The following CRISPLD2 variants were observed in gnomAD, a reference collection of about 807,000 sequenced individuals.
CRISPLD2 encodes cysteine-rich secretory protein LCCL domain-containing 2.
CRISPLD2 carries 47 observed loss-of-function variants against 71.1 expected under a neutral mutation model. The observed-to-expected ratio is 0.66, with a 90% CI of 0.52 to 0.84. The LOEUF (loss-of-function observed/expected upper bound fraction) is 0.84, where lower values mean the gene tolerates loss of function less well. Among genes scored for constraint, CRISPLD2 ranks in the 40% least tolerant of loss-of-function variants. The pLI is 0.00. For missense variants in CRISPLD2, 830 were observed against 651.1 expected (o/e 1.27, Z -2.99); for synonymous variants, 317 against 250.1 (o/e 1.27, Z -2.52).
At chr16:84,852,173 C>T (rs551622625) in intron 5 of CRISPLD2, among the ~76,000 whole-genome samples, 2 of 152,320 alleles carry the variant, frequency 1.3e-5, no homozygotes, top group South Asian at 4.1e-4. Flanking sequence ...CTGTTGACGT[C>T]GTTTAACCTT....
At chr16:84,890,163 C>T (rs1199887379) in intron 14 of CRISPLD2, among the ~76,000 whole-genome samples, 1 of 151,560 alleles carries the variant, frequency 6.6e-6, no homozygotes, top group African/African-American at 2.4e-5. Flanking sequence ...TCGAGACCAT[C>T]CTGGCTAACA....
Position 84,854,793 on chromosome 16 carries a change from T to C in CRISPLD2, c.673T>C (p.Tyr225His). The C allele has an allele frequency of 6.2e-7, 1 of 1,614,108 alleles. No individual in the cohort carries two copies. Among genetic ancestry groups the C allele is most frequent in the Non-Finnish European group, 8.5e-7 (1 of 1,180,002 alleles). The change falls in exon 6 of 15, where the codon TAT (tyrosine) becomes CAT (histidine). Residue 225 changes from tyrosine to histidine, a missense_variant. By Grantham distance (83) the Tyr-to-His change is moderately conservative. Transcript: ENST00000262424. ...GRPCSECPPS[Y>H]GGSCRNNLCY... ...GCCCTGCTCTGAGTGCCCACCCAGC[T>C]ATGGAGGCAGCTGCAGGAACAACTT...
intron 8 of CRISPLD2, among the ~76,000 whole-genome samples, chr16:84,869,125 G>C (rs940551650): frequency 6.6e-6 from 1 of 152,246 alleles, no homozygotes; most frequent in African/African-American, 2.4e-5. Context: ...TGCAGGATCT[G>C]AGCAGGCTGC....
At position 84,866,238 on chromosome 16, in the gene CRISPLD2, G is replaced by GTTT. The variant is rs149109786; in HGVS notation, c.710-659_710-658insTTT. The stretch of plus-strand genomic sequence containing the variant: ...AGTGGCCGAGGCAGTTTTGTTTTTT[G>GTTT]GTTTTTTTTTTTGAGATGGAGTTTC... On this transcript the variant is annotated intron_variant, in intron 6 of 14. Transcript: ENST00000262424. Among the ~76,000 whole-genome samples, 1,033 of 148,352 alleles carry GTTT rather than the reference G, an allele frequency of 7.0e-3. 12 individuals are homozygous for GTTT. Among genetic ancestry groups the GTTT allele is most frequent in the Non-Finnish European group, 0.01 (691 of 67,230 alleles).
intron 6 of CRISPLD2, among the ~76,000 whole-genome samples, chr16:84,859,693 C>T (rs937787128): frequency 1.3e-5 from 2 of 152,216 alleles, no homozygotes; most frequent in Non-Finnish European, 2.9e-5. Flanking sequence ...ATGTAGTAGG[C>T]TTCCTGTCAA....
intron 5 of CRISPLD2, 96 bp from the exon 6 acceptor site, chr16:84,854,633 C>G (rs976865127): frequency 1.2e-6 from 1 of 839,800 alleles, no homozygotes; most frequent in Non-Finnish European, 2.1e-6. Flanking sequence ...CTGTCAGTGG[C>G]GGTGTTCAGG....
chr16:84,879,879 CAGA>C lies in CRISPLD2; in HGVS notation c.1230-626_1230-624del, dbSNP rs1221348974. Among the ~76,000 whole-genome samples the C allele has an allele frequency of 5.3e-5, 8 of 152,300 alleles. No individual in the cohort carries two copies. The East Asian group carries it at 1.2e-3, about 22-fold the overall frequency. ...CACGGTGGACTGTTCCAGATAAACA[CAGA>C]AGATCTTTTCTTAAGTAAAGCCCGT... On this transcript the variant is annotated intron_variant, in intron 12 of 14. Transcript: ENST00000262424.
chr16:84,908,966 G>A lies in CRISPLD2; in HGVS notation c.*2324G>A, dbSNP rs1264756087. On this transcript the variant is annotated 3_prime_UTR_variant, in exon 15 of 15. Transcript: ENST00000262424. Reference sequence around the variant, plus strand: ...GGCCTCCCGAAGTGCTGGGATTACAGGCATGAGCCACTGCGCCCGGCCATG... The same window carrying A: ...GGCCTCCCGAAGTGCTGGGATTACAAGCATGAGCCACTGCGCCCGGCCATG... 1 of 152,148 alleles carries A rather than the reference G, an allele frequency of 6.6e-6. No individual in the cohort carries two copies. The highest frequency in any genetic ancestry group is 2.4e-5 in the African/African-American group (1 of 41,418). The allele number at this position is 152,148 out of a possible 1,614,324, so 9.4% of individuals were successfully genotyped here. A position where few individuals can be genotyped will look rare whatever the true frequency, so the allele number is the denominator to read the frequency against.
intron 12 of CRISPLD2, among the ~76,000 whole-genome samples, chr16:84,880,021 C>A (rs1012216405): frequency 6.6e-6 from 1 of 152,164 alleles, no homozygotes; most frequent in Non-Finnish European, 1.5e-5. Context: ...TGATCTAACC[C>A]CTTCCACCCC....
chr16:84,908,970 T>C lies in CRISPLD2; in HGVS notation c.*2328T>C. The C allele has an allele frequency of 6.6e-6, 1 of 151,190 alleles. No individual in the cohort carries two copies. The highest frequency in any genetic ancestry group is 1.5e-5 in the Non-Finnish European group (1 of 67,790). The allele number at this position is 151,190 out of a possible 1,614,324, so 9.4% of individuals were successfully genotyped here. A position where few individuals can be genotyped will look rare whatever the true frequency, so the allele number is the denominator to read the frequency against. On this transcript the variant is annotated 3_prime_UTR_variant, in exon 15 of 15. Coordinates refer to ENST00000262424, the MANE Select transcript of CRISPLD2 (RefSeq NM_031476.4). ...TCCCGAAGTGCTGGGATTACAGGCATGAGCCACTGCGCCCGGCCATGGACC... is the reference window on the plus strand; with the variant it reads ...TCCCGAAGTGCTGGGATTACAGGCACGAGCCACTGCGCCCGGCCATGGACC...
At position 84,869,327 on chromosome 16, in the gene CRISPLD2, C is replaced by T. The variant is rs574112912; in HGVS notation, c.914+416C>T. Among the ~76,000 whole-genome samples, 4 of 152,346 alleles carry T rather than the reference C, an allele frequency of 2.6e-5. No homozygotes were observed. In the South Asian group the frequency reaches 6.2e-4, roughly 24 times the overall value. On this transcript the variant is annotated intron_variant, in intron 8 of 14. Coordinates refer to ENST00000262424, the MANE Select transcript of CRISPLD2 (RefSeq NM_031476.4). ...ACAGCCAACAGGTGCAGCCGCCGCA[C>T]GCACACCCTCAGAGTCAAATGGGAA... is the stretch of plus-strand genomic sequence containing the variant.
intron 1 of CRISPLD2, among the ~76,000 whole-genome samples, chr16:84,831,827 C>T (rs1417657748): frequency 6.6e-6 from 1 of 152,188 alleles, no homozygotes; most frequent in African/African-American, 2.4e-5. Context: ...CTCCACCTCC[C>T]AGATTCAAGT....
Position 84,835,254 on chromosome 16 carries a change from C to T in CRISPLD2, c.-74-3168C>T, listed in dbSNP as rs189394414. 9.4e-3 allele frequency among the ~76,000 whole-genome samples: 1,429 copies of T among 152,196 alleles called. 19 individuals carry two copies. The highest frequency in any genetic ancestry group is 0.033 in the East Asian group (169 of 5,172). ...TACAGGCAGGCGCCACCACGCCCAACTGATTTTGTATTTTTAGTAGAGACG... is the reference window on the plus strand; with the variant it reads ...TACAGGCAGGCGCCACCACGCCCAATTGATTTTGTATTTTTAGTAGAGACG... On this transcript the variant is annotated intron_variant, in intron 1 of 14. Transcript: ENST00000262424.
intron 2 of CRISPLD2, among the ~76,000 whole-genome samples, chr16:84,841,564 T>A (rs1916771581): frequency 6.6e-6 from 1 of 151,810 alleles, no homozygotes; most frequent in South Asian, 2.1e-4. Flanking sequence ...GAAACAGGGT[T>A]TTTTTGCGGG....
chr16:84,868,712 A>G, intron 7 of CRISPLD2, 139 bp from the exon 8 acceptor site: 2 of 710,892 alleles, frequency 2.8e-6, no homozygotes, highest in East Asian at 5.8e-5. Flanking sequence ...GAAGCCTGCA[A>G]CCATCAGGCA....
At chr16:84,904,619 TAAAAAA>T (rs563565844) in intron 14 of CRISPLD2, among the ~76,000 whole-genome samples, 1 of 145,900 alleles carries the variant, frequency 6.9e-6, no homozygotes. Context: ...AAAAAAAAAT[TAAAAAA>T]AAAAATGATT....
intron 5 of CRISPLD2, among the ~76,000 whole-genome samples, chr16:84,853,866 G>A (rs571686716): frequency 6.6e-6 from 1 of 152,246 alleles, no homozygotes; most frequent in Non-Finnish European, 1.5e-5. Flanking sequence ...GGCTGGAGGA[G>A]GCTGGCCGAG....
chr16:84,879,418 G>A (rs1004364294), intron 12 of CRISPLD2, among the ~76,000 whole-genome samples: 3 of 149,624 alleles, frequency 2.0e-5, no homozygotes, highest in Non-Finnish European at 4.4e-5. Context: ...GTTGGAGTGC[G>A]GTGGTACAAT....
intron 13 of CRISPLD2, among the ~76,000 whole-genome samples, chr16:84,887,035 C>A (rs1326278410): frequency 1.3e-5 from 2 of 152,176 alleles, no homozygotes; most frequent in African/African-American, 4.8e-5. Context: ...TGGATGCCTC[C>A]TATAAATGAA....
Sources: allele counts gnomAD v4.1 joint callset (sites outside exome capture counted in the v4.1 genomes callset), GRCh38; gene constraint gnomAD v4.1.1; transcripts MANE v1.5; gene names NCBI Gene and HGNC (gene_info 2026-07-23, HGNC 2026-07-21).